Variants in ANKS1B observed in about 807,000 individuals in gnomAD.
ANKS1B encodes ankyrin repeat and sterile alpha motif domain-containing protein 1B.
In ANKS1B, 36 loss-of-function variants were observed where a neutral mutation model predicts 148.3. The observed-to-expected ratio is 0.24, with a 90% CI of 0.19 to 0.32. The LOEUF (loss-of-function observed/expected upper bound fraction) is 0.32. ANKS1B is among the 10% of genes least tolerant of loss of function. The pLI is 1.00. For synonymous variants in ANKS1B, 542 were observed against 560.8 expected (o/e 0.97, Z 0.47); for missense variants, 1,157 against 1,542.6 (o/e 0.75, Z 4.19).
At chr12:99,964,113 A>T (rs998697166) in intron 1 of ANKS1B, among the ~76,000 whole-genome samples, 1 of 152,172 alleles carries the variant, frequency 6.6e-6, no homozygotes, top group African/African-American at 2.4e-5. Flanking sequence ...ACATGTCCAC[A>T]ACACTATACA....
intron 17 of ANKS1B, among the ~76,000 whole-genome samples, chr12:98,916,753 C>A (rs1440050498): frequency 6.2e-4 from 95 of 152,132 alleles, no homozygotes; most frequent in Non-Finnish European, 4.4e-5. Context: ...ACCTCTCTGA[C>A]CCTTAGTTTA....
At chr12:99,320,401 T>A (rs2085025556) in intron 12 of ANKS1B, among the ~76,000 whole-genome samples, 1 of 152,210 alleles carries the variant, frequency 6.6e-6, no homozygotes, top group African/African-American at 2.4e-5. Flanking sequence ...CTTTTTAATC[T>A]TTTTCCTCTA....
chr12:99,570,092 G>A (rs1156514689), intron 9 of ANKS1B, among the ~76,000 whole-genome samples: 1 of 152,036 alleles, frequency 6.6e-6, no homozygotes, highest in Non-Finnish European at 1.5e-5. Flanking sequence ...TGAAGAGTAA[G>A]GATTCTTAAG....
chr12:99,368,459 T>C (rs2092908489), intron 12 of ANKS1B, among the ~76,000 whole-genome samples: 1 of 152,074 alleles, frequency 6.6e-6, no homozygotes, highest in Non-Finnish European at 1.5e-5. Flanking sequence ...CTACTTTATA[T>C]GCTAGGATAA....
intron 9 of ANKS1B, among the ~76,000 whole-genome samples, chr12:99,524,693 C>T (rs892385788): frequency 1.2e-4 from 19 of 152,130 alleles, no homozygotes; most frequent in Admixed American, 1.1e-3. Flanking sequence ...GGAGGCCTCA[C>T]AATCATGGCA....
At chr12:99,655,232 A>G in intron 8 of ANKS1B, 22 bp from the exon 9 acceptor site, 1 of 1,539,680 alleles carries the variant, frequency 6.5e-7, no homozygotes, top group Non-Finnish European at 8.9e-7. Context: ...TTTATATCAT[A>G]CCAATATATT....
intron 4 of ANKS1B, among the ~76,000 whole-genome samples, chr12:99,802,475 A>T (rs1486986240): frequency 6.6e-6 from 1 of 152,190 alleles, no homozygotes; most frequent in East Asian, 1.9e-4. Context: ...TAAAGACTAA[A>T]GGGTTTATAA....
intron 1 of ANKS1B, among the ~76,000 whole-genome samples, chr12:99,826,274 A>C (rs1017563010): frequency 1.3e-5 from 2 of 152,168 alleles, no homozygotes; most frequent in African/African-American, 4.8e-5. Flanking sequence ...AACATAGTGT[A>C]ATGGAAAAGA....
intron 12 of ANKS1B, among the ~76,000 whole-genome samples, chr12:99,394,790 A>G (rs1356887088): frequency 2.0e-5 from 3 of 152,030 alleles, no homozygotes; most frequent in East Asian, 3.9e-4. Context: ...CACGCTGCAT[A>G]TCATCTGTAT....
intron 9 of ANKS1B, chr12:99,648,051 A>C (rs1018149581): frequency 1.5e-6 from 2 of 1,368,134 alleles, no homozygotes; most frequent in Non-Finnish European, 2.0e-6. Flanking sequence ...GACAAAAAAG[A>C]AAGCCTGCAG....
At chr12:99,516,321 A>T (rs2096820787) in intron 9 of ANKS1B, among the ~76,000 whole-genome samples, 1 of 152,022 alleles carries the variant, frequency 6.6e-6, no homozygotes, top group Non-Finnish European at 1.5e-5. Context: ...TTTTCATTTG[A>T]TATTTGTATA....
intron 8 of ANKS1B, among the ~76,000 whole-genome samples, chr12:99,684,368 C>CAAA (rs572669891): frequency 2.9e-4 from 24 of 82,540 alleles, no homozygotes; most frequent in African/African-American, 8.2e-4. Context: ...ACAACAGCTG[C>CAAA]AAAAAAAAAA....
chr12:99,978,833 G>T (rs1210265783), intron 1 of ANKS1B, among the ~76,000 whole-genome samples: 1 of 151,852 alleles, frequency 6.6e-6, no homozygotes, highest in Non-Finnish European at 1.5e-5. Flanking sequence ...TTTCACATGG[G>T]GATCTTAAGA....
chr12:99,655,512 AT>A (rs2098445775), intron 8 of ANKS1B, among the ~76,000 whole-genome samples: 1 of 152,228 alleles, frequency 6.6e-6, no homozygotes, highest in Non-Finnish European at 1.5e-5. Flanking sequence ...GAAAAATCTT[AT>A]GGTTTATCAA....
intron 9 of ANKS1B, among the ~76,000 whole-genome samples, chr12:99,538,142 C>G (rs573436484): frequency 2.0e-5 from 3 of 152,026 alleles, no homozygotes; most frequent in African/African-American, 7.2e-5. Flanking sequence ...CAGTGTCATA[C>G]TGTTTTGGTT....
intron 12 of ANKS1B, among the ~76,000 whole-genome samples, chr12:99,367,549 A>G (rs546447091): frequency 1.1e-4 from 16 of 152,172 alleles, no homozygotes; most frequent in Admixed American, 3.3e-4. Context: ...CAAGAGAGAG[A>G]GTTCCAGGAG....
At chr12:99,549,117 G>A (rs546911341) in intron 9 of ANKS1B, among the ~76,000 whole-genome samples, 18 of 152,166 alleles carry the variant, frequency 1.2e-4, no homozygotes, top group African/African-American at 2.6e-4. Context: ...AGAAGAAACC[G>A]AAACTCTAGA....
At chr12:99,042,197 C>A (rs2099959491) in intron 17 of ANKS1B, among the ~76,000 whole-genome samples, 1 of 152,146 alleles carries the variant, frequency 6.6e-6, no homozygotes, top group Non-Finnish European at 1.5e-5. Flanking sequence ...TATATCCTCC[C>A]CTCCCAAGCT....
chr12:99,684,284 T>C (rs1436902215), intron 8 of ANKS1B, among the ~76,000 whole-genome samples: 2 of 146,600 alleles, frequency 1.4e-5, no homozygotes, highest in Admixed American at 7.0e-5. Context: ...AAAATCAATA[T>C]ATACAAATCA....
Sources: gnomAD v4.1 joint callset for allele counts (sites outside exome capture counted in the v4.1 genomes callset) on GRCh38, gnomAD v4.1.1 for gene constraint, MANE v1.5 for transcripts, NCBI Gene and HGNC (gene_info 2026-07-23, HGNC 2026-07-21) for gene names.